The following R3HCC1 variants were observed in gnomAD, a reference collection of about 807,000 sequenced individuals.
R3HCC1 encodes the protein R3H domain and coiled-coil containing 1, also known as R3H and coiled-coil domain-containing protein 1.
A neutral mutation model predicts 40.0 loss-of-function variants in R3HCC1; 32 were observed. The observed-to-expected ratio is 0.80, with a 90% CI of 0.60 to 1.07. R3HCC1 has a LOEUF of 1.07. R3HCC1 is among the 50% of genes least tolerant of loss of function. The probability of loss-of-function intolerance (pLI) is 0.00; values close to 1 mark genes in which losing one functional copy is unlikely to be tolerated. For missense variants in R3HCC1, 586 were observed against 563.3 expected, an observed-to-expected ratio of 1.04 and a Z score of -0.41; for synonymous variants, 237 against 232.8, an observed-to-expected ratio of 1.02 and a Z score of -0.17.
In R3HCC1 at chr8:23,290,426, C is replaced by A; in HGVS notation, c.809C>A (p.Pro270His). 6.4e-7 allele frequency: 1 copy of A among 1,551,368 alleles called. No individual in the cohort carries two copies. Among genetic ancestry groups the A allele is most frequent in the Non-Finnish European group, 8.7e-7 (1 of 1,146,936 alleles). Residue 270 changes from proline (P) to histidine (H), a missense_variant, in exon 4 of 8, where the codon CCC becomes CAC. Physicochemically the swap from Pro to His is moderately conservative, Grantham distance 77 (BLOSUM62 -2). Transcript: ENST00000265806. The stretch of plus-strand genomic sequence containing the variant: ...GAAGAGGAGGTGGAAGAGGATGGCC[C>A]CAGCAGCTGCTCGGAGGACGATTAC...
In R3HCC1 at chr8:23,290,360, GTC is replaced by G; in HGVS notation, c.745_746del (p.Leu249ValfsTer31). ...CTAGACCTGGAAAAGGGGAAGGAGAGTCTGTTGGAGAAGAGGCTGGTGGCAGA... is the reference window on the plus strand; with the variant it reads ...CTAGACCTGGAAAAGGGGAAGGAGAGTGTTGGAGAAGAGGCTGGTGGCAGA... On this transcript the variant is annotated frameshift_variant, in exon 4 of 8. Coordinates refer to ENST00000265806, the MANE Select transcript of R3HCC1 (RefSeq NM_001136108.3). LOFTEE classifies it high-confidence loss of function. 1 of 1,551,882 alleles carries G rather than the reference GTC, an allele frequency of 6.4e-7. No homozygotes were observed. Among genetic ancestry groups the G allele is most frequent in the Non-Finnish European group, 8.7e-7 (1 of 1,147,028 alleles).
At chr8:23,288,982 C>A in intron 2 of R3HCC1, 34 bp from the exon 3 acceptor site, 1 of 1,535,210 alleles carries the variant, frequency 6.5e-7, no homozygotes, top group Non-Finnish European at 8.7e-7. Context: ...AGGCCCTGGA[C>A]ACCTGCTCAG....
In R3HCC1 at chr8:23,288,605, C is replaced by A; in HGVS notation, c.82C>A (p.Arg28Ser). ...CCACCGGATCCAGGAGGAACTGGAC[C>A]GCTTTCTGCTGCAGAAGCAGCTGTC... The change falls in exon 2 of 8, where the codon CGC becomes AGC. Residue 28 changes from arginine to serine, a missense_variant. Physicochemically the swap from Arg to Ser is moderately radical, Grantham distance 110. Coordinates refer to ENST00000265806, the MANE Select transcript of R3HCC1 (RefSeq NM_001136108.3). 6.5e-7 allele frequency: 1 copy of A among 1,535,998 alleles called. No homozygotes were observed. Among genetic ancestry groups the A allele is most frequent in the Non-Finnish European group, 8.7e-7 (1 of 1,146,886 alleles).
intron 5 of R3HCC1, among the ~76,000 whole-genome samples, chr8:23,292,824 G>A (rs1311561526): frequency 3.9e-5 from 6 of 152,180 alleles, no homozygotes. Flanking sequence ...GGGCCACACT[G>A]CCTTAGGCCT....
chr8:23,295,049 C>G (rs960726022), intron 7 of R3HCC1, among the ~76,000 whole-genome samples, 185 bp downstream of exon 7: 9 of 152,124 alleles, frequency 5.9e-5, no homozygotes, highest in Admixed American at 5.9e-4. Context: ...TGTGTTCCCC[C>G]TCCCTAGCAG....
rs1802965531 is a variant in R3HCC1, at chr8:23,294,965, C to T, written c.1192+101C>T. 3.4e-6 allele frequency: 3 copies of T among 885,522 alleles called. No individual in the cohort carries two copies. In the South Asian group the frequency reaches 4.3e-5, roughly 13 times the overall value. The allele number at this position is 885,522 out of a possible 1,614,324, so 54.9% of individuals were successfully genotyped here. A position where few individuals can be genotyped will look rare whatever the true frequency, so the allele number is the denominator to read the frequency against. ...TGTGTGTGTCTGGTTTGGGCAGGGT[C>T]TTCCCCTCTGTTAATTCTTCCCGCT... On this transcript the variant is annotated intron_variant, in intron 7 of 7. Coordinates refer to ENST00000265806, the MANE Select transcript of R3HCC1 (RefSeq NM_001136108.3).
chr8:23,294,723 G>T, intron 6 of R3HCC1, 46 bp from the exon 7 acceptor site: 1 of 1,445,622 alleles, frequency 6.9e-7, no homozygotes, highest in South Asian at 1.2e-5. Context: ...GTGCCGCGGG[G>T]TCCTGAGGAG....
chr8:23,288,886 C>A, intron 2 of R3HCC1, 130 bp from the exon 3 acceptor site: 4 of 1,112,640 alleles, frequency 3.6e-6, no homozygotes, highest in Non-Finnish European at 5.1e-6. Context: ...TGCTCAGATC[C>A]TTTGCAGTCC....
In R3HCC1 at chr8:23,289,016, G is replaced by T. The variant is rs1187489355; in HGVS notation, c.111G>T (p.Lys37Asn). 9 of 1,536,384 alleles carry T rather than the reference G, an allele frequency of 5.9e-6. No homozygotes were observed. Among genetic ancestry groups the T allele is most frequent in the Admixed American group, 2.0e-5 (1 of 50,978 alleles). ...AGCACTTCTTCCCCTCCCTCCCCAG[G>T]GTTCTTCTTTTCCCCCCACTCTCCA... is the stretch of plus-strand genomic sequence containing the variant. The change falls in exon 3 of 8, where the codon AAG becomes AAT. Residue 37 changes from lysine to asparagine, a missense_variant and splice_region_variant. Transcript: ENST00000265806.
At position 23,289,046 on chromosome 8, in the gene R3HCC1, C is replaced by T. The variant is rs1314733420; in HGVS notation, c.141C>T (p.Arg47=). ...TTCTTTTCCCCCCACTCTCCAGTCG[C>T]CTCCGGTACCTGATCCATAGAACAG... The change falls in exon 3 of 8, where the codon CGC becomes CGT. Residue 47 remains arginine, a synonymous_variant. Transcript: ENST00000265806. 1 of 1,536,674 alleles carries T rather than the reference C, an allele frequency of 6.5e-7. No individual in the cohort carries two copies.
rs1431484941 is a variant in R3HCC1, at chr8:23,294,781, T to A, written c.1109T>A (p.Leu370Gln). The A allele has an allele frequency of 1.3e-6, 2 of 1,550,882 alleles. No individual in the cohort carries two copies. The highest frequency in any genetic ancestry group is 1.7e-6 in the Non-Finnish European group (2 of 1,146,858). The stretch of plus-strand genomic sequence containing the variant: ...TTTCTTTCCACAGCTGCGGAAGCCC[T>A]GACCCGGGAGTTCTCGGTGCTCAAG... The change falls in exon 7 of 8, where the codon CTG becomes CAG. Residue 370 changes from leucine to glutamine, a missense_variant. Transcript: ENST00000265806.
At chr8:23,289,821 T>TG (rs1802819669) in intron 3 of R3HCC1, 45 bp from the exon 4 acceptor site, 2 of 1,444,516 alleles carry the variant, frequency 1.4e-6, no homozygotes, top group Non-Finnish European at 1.8e-6. Context: ...CATTTTCCTT[T>TG]GGGCCCCTAC....
chr8:23,288,158 G>A lies in R3HCC1; in HGVS notation c.-19+1G>A. 3 of 1,247,272 alleles carry A rather than the reference G, an allele frequency of 2.4e-6. No homozygotes were observed. The highest frequency in any genetic ancestry group is 3.1e-6 in the Non-Finnish European group (3 of 972,504). The allele number at this position is 1,247,272 out of a possible 1,614,324, so 77.3% of individuals were successfully genotyped here. A position where few individuals can be genotyped will look rare whatever the true frequency, so the allele number is the denominator to read the frequency against. On this transcript the variant is annotated splice_donor_variant, in intron 1 of 7. Coordinates refer to ENST00000265806, the MANE Select transcript of R3HCC1 (RefSeq NM_001136108.3). LOFTEE classifies it low-confidence loss of function (5UTR_SPLICE). ...GGCTGCGACGCGCCGAGAGGCCGCG[G>A]TGAGTGCAGCAGCACTGGGGGGGTG...
rs3839866 is a variant in R3HCC1, at chr8:23,295,856, CAT to C, written c.1193-110_1193-109del. On this transcript the variant is annotated intron_variant, in intron 7 of 7. Transcript: ENST00000265806. Reference sequence around the variant, plus strand: ...CGGGCACAGCTGGGCCGAGGCCCCACATGTGTCACATGAGAGGCTGGCTCTGA... The same window carrying C: ...CGGGCACAGCTGGGCCGAGGCCCCACGTGTCACATGAGAGGCTGGCTCTGA... The C allele has an allele frequency of 1.7e-4, 234 of 1,390,816 alleles. 1 individual carries two copies. The East Asian group carries it at 4.4e-3, about 26-fold the overall frequency. The allele number at this position is 1,390,816 out of a possible 1,614,324, so 86.2% of individuals were successfully genotyped here.
At chr8:23,288,189 C>G in intron 1 of R3HCC1, 32 bp downstream of exon 1, 2 of 1,203,806 alleles carry the variant, frequency 1.7e-6, no homozygotes, top group Non-Finnish European at 2.1e-6. Flanking sequence ...GGGTGGTCGT[C>G]CCGACCCCCG....
At chr8:23,291,649 A>T (rs1802869581) in intron 5 of R3HCC1, 116 bp downstream of exon 5, 10 of 1,463,618 alleles carry the variant, frequency 6.8e-6, no homozygotes, top group South Asian at 1.4e-5. Flanking sequence ...GAGAGACAGA[A>T]AGTGGGTGTG....
chr8:23,294,298 T>G (rs1246355781), intron 6 of R3HCC1, among the ~76,000 whole-genome samples: 1 of 152,234 alleles, frequency 6.6e-6, no homozygotes, highest in South Asian at 2.1e-4. Flanking sequence ...AGTTTCCTCT[T>G]CTGTAGAACA....
chr8:23,295,598 G>A, intron 7 of R3HCC1: 1 of 462,754 alleles, frequency 2.2e-6, no homozygotes, highest in Non-Finnish European at 4.2e-6. Context: ...AGGGTTTCTT[G>A]GAACAATAAA....
Position 23,288,781 on chromosome 8 carries a change from CA to C in R3HCC1, c.110+149del, listed in dbSNP as rs1269751215. On this transcript the variant is annotated intron_variant, in intron 2 of 7. Coordinates refer to ENST00000265806, the MANE Select transcript of R3HCC1 (RefSeq NM_001136108.3). ...TAACGCCAGCTGCCTCTTTTAGCTG[CA>C]TCTTTGTAATTGTGAGCATCACCCC... 6 of 1,111,778 alleles carry C rather than the reference CA, an allele frequency of 5.4e-6. No homozygotes were observed. In the Admixed American group the frequency reaches 1.0e-4, roughly 18 times the overall value. The allele number at this position is 1,111,778 out of a possible 1,614,324, so 68.9% of individuals were successfully genotyped here.
Sources: allele counts gnomAD v4.1 joint callset (sites outside exome capture counted in the v4.1 genomes callset), GRCh38; gene constraint gnomAD v4.1.1; transcripts MANE v1.5; gene names NCBI Gene and HGNC (gene_info 2026-07-23, HGNC 2026-07-21).